RNF213: variants seen among roughly 807,000 people sequenced by gnomAD.
RNF213 encodes E3 ubiquitin-protein ligase RNF213.
RNF213 carries 341 observed loss-of-function variants against 514.4 expected under a neutral mutation model. The ratio of observed to expected loss-of-function variants is 0.66; its 90% CI spans 0.61 to 0.73. RNF213 has a LOEUF of 0.73. Ranked by LOEUF, RNF213 falls within the 30% of genes least tolerant of loss-of-function variation. The probability of loss-of-function intolerance (pLI) is 0.00; values close to 1 mark genes in which losing one functional copy is unlikely to be tolerated. For synonymous variants in RNF213, 2,655 were observed against 2,658.2 expected, an observed-to-expected ratio of 1.00 and a Z score of 0.04; for missense variants, 5,767 against 6,615.6, an observed-to-expected ratio of 0.87 and a Z score of 4.45.
chr17:80,317,231 G>A lies in RNF213; in HGVS notation c.2855G>A (p.Gly952Asp). The change falls in exon 16 of 68, where the codon GGC becomes GAC. Residue 952 changes from glycine (G) to aspartate (D), a missense_variant. By Grantham distance (94) the Gly-to-Asp change is moderately conservative. Around this residue, in one of 13 missense-constraint regions of RNF213, gnomAD observed 592 missense variants for 673.9 expected, o/e 0.88. Coordinates refer to ENST00000582970, the MANE Select transcript of RNF213 (RefSeq NM_001256071.3). The surrounding 1 kb of genome is among the most constrained non-coding windows in gnomAD (Gnocchi z 4.1). ...GAAATCCAATTCCCCGCGGAGCATG[G>A]CTGGAAGGAGTCGTTGCTGGGAGAC... ...LVEIQFPAEH[G>D]WKESLLGDME... The A allele has an allele frequency of 6.2e-7, 1 of 1,612,892 alleles. No homozygotes were observed. The highest frequency in any genetic ancestry group is 8.5e-7 in the Non-Finnish European group (1 of 1,179,852).
In RNF213 at chr17:80,332,313, T is replaced by C; in HGVS notation, c.3825T>C (p.Tyr1275=). 1 of 1,537,206 alleles carries C rather than the reference T, an allele frequency of 6.5e-7. No individual in the cohort carries two copies. Among genetic ancestry groups the C allele is most frequent in the Non-Finnish European group, 8.7e-7 (1 of 1,146,900 alleles). ...ACATCCTTGAGCTTGAAGAGGTGTA[T>C]GACTATTTGTATCAGCCTTCTTACA... is the stretch of plus-strand genomic sequence containing the variant. The part of the protein sequence containing the change: ...ERHILELEEV[Y]DYLYQPSYRK... Residue 1275 remains tyrosine, a synonymous_variant, in exon 21 of 68, where the codon TAT becomes TAC. Transcript: ENST00000582970.
chr17:80,288,634 C>A lies in RNF213; in HGVS notation c.812C>A (p.Ala271Glu). 6.2e-7 allele frequency: 1 copy of A among 1,614,138 alleles called. No homozygotes were observed. Among genetic ancestry groups the A allele is most frequent in the South Asian group, 1.1e-5 (1 of 91,074 alleles). Reference sequence around the variant, plus strand: ...GCTCTGGTGTTTGGGGTCTTTCAGGCAGTTGATGCTGTAGCTGAGCCAGCC... The same window carrying A: ...GCTCTGGTGTTTGGGGTCTTTCAGGAAGTTGATGCTGTAGCTGAGCCAGCC... Reference protein sequence around the residue: ...EQQAGASASMAVDAVAEPANA... With the variant: ...EQQAGASASMEVDAVAEPANA... The change falls in exon 5 of 68, where the codon GCA becomes GAA. Residue 271 changes from alanine (A) to glutamate (E), a missense_variant and splice_region_variant. By Grantham distance (107) the Ala-to-Glu change is moderately radical (BLOSUM62 -1). Transcript: ENST00000582970. The surrounding 1 kb of genome is among the most constrained non-coding windows in gnomAD (Gnocchi z 4.9).
chr17:80,343,165 A>G lies in RNF213; in HGVS notation c.6023A>G (p.Lys2008Arg), dbSNP rs1318136050. 2 of 1,614,010 alleles carry G rather than the reference A, an allele frequency of 1.2e-6. No homozygotes were observed. Among genetic ancestry groups the G allele is most frequent in the African/African-American group, 2.7e-5 (2 of 74,934 alleles). Reference protein sequence around the residue: ...KSLYVKRLHDKMKMQLNVKNV... With the variant: ...KSLYVKRLHDRMKMQLNVKNV... ...CTGTACGTGAAGAGGTTGCACGACA[A>G]AATGAAGATGCAGTTAAACGTGAAA... Residue 2008 changes from lysine (K) to arginine (R), a missense_variant, in exon 27 of 68, where the codon AAA becomes AGA. Coordinates refer to ENST00000582970, the MANE Select transcript of RNF213 (RefSeq NM_001256071.3). This position sits in a 1 kb window ranked among gnomAD's most constrained non-coding sequence, Gnocchi z 4.3.
chr17:80,334,905 C>G (rs1184946096), intron 22 of RNF213, among the ~76,000 whole-genome samples: 2 of 149,518 alleles, frequency 1.3e-5, no homozygotes, highest in Non-Finnish European at 3.0e-5. Flanking sequence ...GGATTACAGG[C>G]ATGAGCCACT....
rs1375469384 is a variant in RNF213 at position 80,393,352 on chromosome 17, G to C, written c.15478G>C (p.Asp5160His). The change falls in exon 68 of 68, where the codon GAC (aspartate) becomes CAC (histidine). Residue 5160 changes from aspartate (D) to histidine (H), a missense_variant. Asp to His is a moderately conservative substitution (Grantham distance 81). Around this residue, in one of 13 missense-constraint regions of RNF213, gnomAD observed 1,245 missense variants for 1,339.0 expected, o/e 0.93. Transcript: ENST00000582970. ...ERFRPQWSLR[D>H]TLVSYMQTKE... ...TCTTCTTTGGTTTTTCAGCCTGAGA[G>C]ACACTCTCGTAAGTTACATGCAAAC... 5.0e-6 allele frequency: 8 copies of C among 1,613,888 alleles called. No homozygotes were observed. In the Admixed American group the frequency reaches 1.2e-4, roughly 24 times the overall value.
rs935010992 is a variant in RNF213, at chr17:80,344,993, C to T, written c.6658C>T (p.Arg2220Trp). The change falls in exon 29 of 68, where the codon CGG becomes TGG. Residue 2220 changes from arginine to tryptophan, a missense_variant. Coordinates refer to ENST00000582970, the MANE Select transcript of RNF213 (RefSeq NM_001256071.3). The stretch of plus-strand genomic sequence containing the variant: ...CTGGTCAGAGCTTCGGAACTTTGCT[C>T]GGTTCCTGAATTATCAGCTCAGAGA... ...PSWSELRNFA[R>W]FLNYQLRDCE... 4.0e-5 allele frequency: 65 copies of T among 1,613,988 alleles called. No individual in the cohort carries two copies. Among genetic ancestry groups the T allele is most frequent in the Non-Finnish European group, 5.2e-5 (61 of 1,180,036 alleles).
chr17:80,297,745 C>G (rs930780570), intron 10 of RNF213, among the ~76,000 whole-genome samples: 1 of 149,712 alleles, frequency 6.7e-6, no homozygotes, highest in African/African-American at 2.5e-5. Flanking sequence ...CAAGATCGTG[C>G]CACTGCGCTC....
At chr17:80,308,869 CTG>C (rs2045466076) in intron 13 of RNF213, 147 bp from the exon 14 acceptor site, 2 of 920,976 alleles carry the variant, frequency 2.2e-6, no homozygotes, top group Non-Finnish European at 1.7e-6. Context: ...TCAGGACTGA[CTG>C]AGATTTTCCA....
intron 49 of RNF213, among the ~76,000 whole-genome samples, chr17:80,373,927 C>T (rs534995039): frequency 3.5e-5 from 5 of 143,972 alleles, no homozygotes; most frequent in South Asian, 2.2e-4. Context: ...CACTTGAACC[C>T]GGGAGGCAGA....
Position 80,328,405 on chromosome 17 carries a change from C to T in RNF213, c.3445C>T (p.Leu1149Phe), listed in dbSNP as rs2143934904. 1.3e-6 allele frequency: 2 copies of T among 1,537,142 alleles called. No individual in the cohort carries two copies. The highest frequency in any genetic ancestry group is 1.7e-6 in the Non-Finnish European group (2 of 1,146,880). ...ALDWRREELL[L>F]LKKEKRCVDS... The stretch of plus-strand genomic sequence containing the variant: ...GGATTGGAGAAGGGAGGAACTGTTA[C>T]TTCTAAAGAAAGAGAAAAGATGTGT... Residue 1149 changes from leucine (L) to phenylalanine (F), a missense_variant, in exon 20 of 68, where the codon CTT becomes TTT. Around this residue, in one of 13 missense-constraint regions of RNF213, gnomAD observed 516 missense variants for 566.5 expected, o/e 0.91. Transcript: ENST00000582970.
intron 17 of RNF213, among the ~76,000 whole-genome samples, chr17:80,322,623 C>T (rs2046177355): frequency 6.6e-6 from 1 of 152,066 alleles, no homozygotes; most frequent in Non-Finnish European, 1.5e-5. Flanking sequence ...AGATGTTGCC[C>T]AGGCTGGTCT....
chr17:80,296,307 A>C (rs534971828), intron 10 of RNF213, among the ~76,000 whole-genome samples: 1 of 152,206 alleles, frequency 6.6e-6, no homozygotes, highest in African/African-American at 2.4e-5. Flanking sequence ...GGCGTGAGCC[A>C]CCGTGCTGGG....
chr17:80,294,569 AGT>A, intron 8 of RNF213, 149 bp from the exon 9 acceptor site: 2 of 915,654 alleles, frequency 2.2e-6, no homozygotes, highest in South Asian at 2.8e-5. Context: ...GGCTGTCGTC[AGT>A]GTGTGGGTTT....
intron 3 of RNF213, among the ~76,000 whole-genome samples, chr17:80,285,169 C>T (rs544434464): frequency 2.0e-5 from 3 of 152,208 alleles, no homozygotes; most frequent in Non-Finnish European, 4.4e-5. Context: ...TACAACTCTC[C>T]GTGTGCTTTG....
Position 80,376,950 on chromosome 17 carries a change from AGT to A in RNF213, c.13498_13499del (p.Val4500ProfsTer27). 1 of 1,613,612 alleles carries A rather than the reference AGT, an allele frequency of 6.2e-7. No individual in the cohort carries two copies. Among genetic ancestry groups the A allele is most frequent in the Non-Finnish European group, 8.5e-7 (1 of 1,179,622 alleles). On this transcript the variant is annotated frameshift_variant, in exon 53 of 68. Transcript: ENST00000582970. LOFTEE classifies it high-confidence loss of function. ...QARRWKGLERVHWYTCPNGHP... is the reference protein window; with the variant it reads ...QARRWKGLERXHWYTCPNGHP... Reference sequence around the variant, plus strand: ...CTCGGAGGTGGAAGGGTCTGGAGCGAGTCCACTGGTACAGTAAGTGTTGGGGT... The same window carrying A: ...CTCGGAGGTGGAAGGGTCTGGAGCGACCACTGGTACAGTAAGTGTTGGGGT...
intron 31 of RNF213, among the ~76,000 whole-genome samples, chr17:80,350,917 T>C (rs1030708827): frequency 2.0e-5 from 3 of 152,264 alleles, no homozygotes; most frequent in African/African-American, 4.8e-5. Flanking sequence ...TTTTGAATTA[T>C]ACAATTTGAA....
intron 1 of RNF213, among the ~76,000 whole-genome samples, 151 bp downstream of exon 1, chr17:80,261,053 C>T (rs1484090742): frequency 6.6e-6 from 1 of 151,882 alleles, no homozygotes; most frequent in Non-Finnish European, 1.5e-5. Flanking sequence ...GTTTCGGTTT[C>T]GCCGCCGGGG....
Position 80,396,403 on chromosome 17 carries a change from GAAACAA to G in RNF213, c.*2907_*2912del. 6.6e-6 allele frequency: 1 copy of G among 152,278 alleles called. No homozygotes were observed. The highest frequency in any genetic ancestry group is 2.1e-4 in the South Asian group (1 of 4,822). The allele number at this position is 152,278 out of a possible 1,614,324, so 9.4% of individuals were successfully genotyped here. A position where few individuals can be genotyped will look rare whatever the true frequency, so the allele number is the denominator to read the frequency against. On this transcript the variant is annotated 3_prime_UTR_variant, in exon 68 of 68. Transcript: ENST00000582970. ...TGTATGTTCAGGCAATTCCAATTTAGAAACAAACTTCCAGTGATAAATATTGGGAAG... is the reference window on the plus strand; with the variant it reads ...TGTATGTTCAGGCAATTCCAATTTAGACTTCCAGTGATAAATATTGGGAAG...
rs1360064643 is a variant in RNF213 at position 80,327,961 on chromosome 17, G to A, written c.3339G>A (p.Lys1113=). The A allele has an allele frequency of 6.5e-7, 1 of 1,537,260 alleles. No homozygotes were observed. The highest frequency in any genetic ancestry group is 1.2e-5 in the South Asian group (1 of 84,056). The change falls in exon 19 of 68, where the codon AAG becomes AAA. Residue 1113 remains lysine (K), a synonymous_variant. Transcript: ENST00000582970. ...VGQLELIIKH[K]NQFLDIWQLR... is the part of the protein sequence containing the mutation. ...AACTGGAGCTGATTATAAAGCACAA[G>A]AATCAGTTTCTTGACATCTGGCAAC...
Sources: allele counts gnomAD v4.1 joint callset (sites outside exome capture counted in the v4.1 genomes callset), GRCh38; gene constraint gnomAD v4.1.1; regional missense constraint gnomAD v4.1.1; non-coding constraint Gnocchi (gnomAD v3.1); transcripts MANE v1.5; gene names NCBI Gene and HGNC (gene_info 2026-07-23, HGNC 2026-07-21).